CIAPIN1: variants seen among roughly 807,000 people sequenced by gnomAD.
CIAPIN1 encodes anamorsin.
A neutral mutation model predicts 34.3 loss-of-function variants in CIAPIN1; 18 were observed. The observed-to-expected ratio is 0.52, with a 90% CI of 0.36 to 0.78. The LOEUF (loss-of-function observed/expected upper bound fraction) is 0.78. Among genes scored for constraint, CIAPIN1 ranks in the 30% least tolerant of loss-of-function variants. The pLI, the probability that CIAPIN1 is intolerant of heterozygous loss-of-function variation, is 0.00. For synonymous variants in CIAPIN1, 131 were observed against 140.4 expected (o/e 0.93, Z 0.47); for missense variants, 310 against 372.5 (o/e 0.83, Z 1.38).
In CIAPIN1 at chr16:57,429,251, G is replaced by C; in HGVS notation, c.858C>G (p.Ala286=). The change falls in exon 9 of 9, where the codon GCC becomes GCG. Residue 286 remains alanine (A), a synonymous_variant. Coordinates refer to ENST00000394391, the MANE Select transcript of CIAPIN1 (RefSeq NM_020313.4). ...NCYLGDAFRC[A]SCPYLGMPAF... Reference sequence around the variant, plus strand: ...CTGGCATCCCAAGGTAGGGGCAGCTGGCACAGCGGAAGGCATCGCCCAGGT... The same window carrying C: ...CTGGCATCCCAAGGTAGGGGCAGCTCGCACAGCGGAAGGCATCGCCCAGGT... 1 of 1,614,006 alleles carries C rather than the reference G, an allele frequency of 6.2e-7. No individual in the cohort carries two copies. The highest frequency in any genetic ancestry group is 1.3e-5 in the African/African-American group (1 of 75,036).
At chr16:57,444,269 A>G (rs1431343982) in intron 1 of CIAPIN1, among the ~76,000 whole-genome samples, 1 of 152,318 alleles carries the variant, frequency 6.6e-6, no homozygotes. Context: ...TAAAGTAGGG[A>G]TAAAAACCTC....
chr16:57,430,157 T>C, intron 8 of CIAPIN1, 101 bp downstream of exon 8: 2 of 1,003,420 alleles, frequency 2.0e-6, no homozygotes, highest in Non-Finnish European at 1.6e-6. Flanking sequence ...CATTCGTCTG[T>C]TACTAAAATA....
chr16:57,434,627 C>A (rs1283725034), intron 4 of CIAPIN1, among the ~76,000 whole-genome samples: 1 of 151,944 alleles, frequency 6.6e-6, no homozygotes, highest in Non-Finnish European at 1.5e-5. Flanking sequence ...GATAAAGTAG[C>A]AGAGAGTAAA....
chr16:57,431,503 A>T, intron 6 of CIAPIN1: 1 of 379,816 alleles, frequency 2.6e-6, no homozygotes, highest in Non-Finnish European at 4.9e-6. Flanking sequence ...ACAAATTTAC[A>T]TGAGAAAAAG....
Position 57,428,798 on chromosome 16 carries a change from G to C in CIAPIN1, c.*372C>G, listed in dbSNP as rs1903011883. Reference sequence around the variant, plus strand: ...GAGGGTGGCAGCATTGCTGAGATGAGACTCAAGGCAGGGGTCTGCAGCTCT... The same window carrying C: ...GAGGGTGGCAGCATTGCTGAGATGACACTCAAGGCAGGGGTCTGCAGCTCT... On this transcript the variant is annotated 3_prime_UTR_variant, in exon 9 of 9. Transcript: ENST00000394391. 6.1e-6 allele frequency: 1 copy of C among 164,604 alleles called. No individual in the cohort carries two copies. The highest frequency in any genetic ancestry group is 2.4e-5 in the African/African-American group (1 of 41,864). The allele number at this position is 164,604 out of a possible 1,614,324, so 10.2% of individuals were successfully genotyped here.
chr16:57,436,889 T>C (rs529706305), intron 3 of CIAPIN1, among the ~76,000 whole-genome samples, 157 bp from the exon 4 acceptor site: 24 of 152,004 alleles, frequency 1.6e-4, no homozygotes, highest in African/African-American at 5.8e-4. Context: ...GAGGCTGAGG[T>C]GGACAGATCA....
At position 57,447,345 on chromosome 16, in the gene CIAPIN1, C is replaced by A; in HGVS notation, c.-59G>T. On this transcript the variant is annotated 5_prime_UTR_variant, in exon 1 of 9. Transcript: ENST00000394391. Reference sequence around the variant, plus strand: ...AGCTGGCCCCCACCACTCTCACCTGCCGCCTGGGCTCGCTCCCGGCTTCTC... The same window carrying A: ...AGCTGGCCCCCACCACTCTCACCTGACGCCTGGGCTCGCTCCCGGCTTCTC... The A allele has an allele frequency of 1.7e-6, 1 of 598,588 alleles. No individual in the cohort carries two copies. Among genetic ancestry groups the A allele is most frequent in the Non-Finnish European group, 2.4e-6 (1 of 409,260 alleles). 37.1% of individuals were successfully genotyped at this position (598,588 alleles called of 1,614,324 possible).
At chr16:57,429,994 G>A (rs1215652916) in intron 8 of CIAPIN1, among the ~76,000 whole-genome samples, 17 of 152,092 alleles carry the variant, frequency 1.1e-4, no homozygotes, top group Admixed American at 9.8e-4. Flanking sequence ...TTAGCTAACT[G>A]TCTAACCATC....
intron 1 of CIAPIN1, among the ~76,000 whole-genome samples, chr16:57,446,579 C>T (rs1311294341): frequency 1.3e-5 from 2 of 152,196 alleles, no homozygotes; most frequent in Non-Finnish European, 2.9e-5. Flanking sequence ...TCTCTGATGA[C>T]ACCCCCGTGA....
At position 57,429,250 on chromosome 16, in the gene CIAPIN1, T is replaced by C. The variant is rs777875310; in HGVS notation, c.859A>G (p.Ser287Gly). Residue 287 changes from serine to glycine, a missense_variant, in exon 9 of 9, where the codon AGC (serine) becomes GGC (glycine). Transcript: ENST00000394391. ...CYLGDAFRCA[S>G]CPYLGMPAFK... ...GCTGGCATCCCAAGGTAGGGGCAGC[T>C]GGCACAGCGGAAGGCATCGCCCAGG... The C allele has an allele frequency of 1.2e-5, 19 of 1,613,902 alleles. No homozygotes were observed. The African/African-American group carries it at 1.9e-4, about 16-fold the overall frequency.
chr16:57,429,803 T>C (rs1455045065), intron 8 of CIAPIN1, among the ~76,000 whole-genome samples: 3 of 150,980 alleles, frequency 2.0e-5, no homozygotes, highest in Non-Finnish European at 4.4e-5. Flanking sequence ...TTTTTTTTTT[T>C]TGAGATGGAG....
At position 57,428,999 on chromosome 16, in the gene CIAPIN1, C is replaced by CTTTTG. The variant is rs1410765191; in HGVS notation, c.*170_*171insCAAAA. The CTTTTG allele has an allele frequency of 2.0e-5, 12 of 595,108 alleles. No individual in the cohort carries two copies. Among genetic ancestry groups the CTTTTG allele is most frequent in the Non-Finnish European group, 3.3e-5 (11 of 331,178 alleles). 36.9% of individuals were successfully genotyped at this position (595,108 alleles called of 1,614,324 possible). A position where few individuals can be genotyped will look rare whatever the true frequency, so the allele number is the denominator to read the frequency against. On this transcript the variant is annotated 3_prime_UTR_variant, in exon 9 of 9. Coordinates refer to ENST00000394391, the MANE Select transcript of CIAPIN1 (RefSeq NM_020313.4). Reference sequence around the variant, plus strand: ...ACCTTGGTCTTTTGATACACAGCAGCACTACACACCACTGTGCCCCCCAGC... The same window carrying CTTTTG: ...ACCTTGGTCTTTTGATACACAGCAGCTTTTGACTACACACCACTGTGCCCCCCAGC...
At position 57,433,462 on chromosome 16, in the gene CIAPIN1, T is replaced by C. The variant is rs373382833; in HGVS notation, c.556+582A>G. On this transcript the variant is annotated intron_variant, in intron 5 of 8. Transcript: ENST00000394391. ...CAGTAAATATCTGTTAATGTCTGCA[T>C]ACCTCACAGCTGGGTCAATTCAGGC... Among the ~76,000 whole-genome samples the C allele has an allele frequency of 9.5e-4, 145 of 152,350 alleles. 2 individuals are homozygous for C. In the South Asian group the frequency reaches 0.029, roughly 31 times the overall value.
intron 3 of CIAPIN1, 43 bp from the exon 4 acceptor site, chr16:57,436,775 G>A (rs1185220387): frequency 6.5e-7 from 1 of 1,537,576 alleles, no homozygotes; most frequent in South Asian, 1.1e-5. Context: ...ATAGTTCAAA[G>A]TAGGAAAAAT....
chr16:57,431,259 A>G lies in CIAPIN1; in HGVS notation c.638T>C (p.Ile213Thr). Residue 213 changes from isoleucine (I) to threonine (T), a missense_variant, in exon 7 of 9, where the codon ATT (isoleucine) becomes ACT (threonine). Physicochemically the swap from Ile to Thr is moderately conservative, Grantham distance 89. Transcript: ENST00000394391. The part of the protein sequence containing the change: ...NDMEDDSMDL[I>T]DSDELLDPED... ...TGGATCCAGCAGCTCATCTGAGTCAATGAGATCCTGGAGAGTGTTCAAAGC... is the reference window on the plus strand; with the variant it reads ...TGGATCCAGCAGCTCATCTGAGTCAGTGAGATCCTGGAGAGTGTTCAAAGC... 1.2e-6 allele frequency: 2 copies of G among 1,609,992 alleles called. No homozygotes were observed. The highest frequency in any genetic ancestry group is 1.7e-6 in the Non-Finnish European group (2 of 1,176,462).
intron 6 of CIAPIN1, 109 bp from the exon 7 acceptor site, chr16:57,431,375 G>A: frequency 4.8e-6 from 3 of 631,388 alleles, no homozygotes; most frequent in Middle Eastern, 5.2e-4. Flanking sequence ...TAAAGAAGGT[G>A]TCCACCCTGT....
At chr16:57,431,914 C>T (rs577308716) in intron 6 of CIAPIN1, among the ~76,000 whole-genome samples, 5 of 152,316 alleles carry the variant, frequency 3.3e-5, no homozygotes, top group African/African-American at 1.2e-4. Context: ...TTTAAGCTGA[C>T]AAAATCTTTT....
chr16:57,433,973 T>A, intron 5 of CIAPIN1, 71 bp downstream of exon 5: 1 of 1,348,018 alleles, frequency 7.4e-7, no homozygotes, highest in Non-Finnish European at 1.1e-6. Flanking sequence ...ATCTCATTTA[T>A]TGCTGGCTCA....
At chr16:57,443,096 A>G (rs1290163833) in intron 1 of CIAPIN1, among the ~76,000 whole-genome samples, 3 of 148,746 alleles carry the variant, frequency 2.0e-5, no homozygotes, top group African/African-American at 7.6e-5. Flanking sequence ...AAAAAAAAAG[A>G]AAAAAAAATA....
Sources: gnomAD v4.1 joint callset for allele counts (sites outside exome capture counted in the v4.1 genomes callset) on GRCh38, gnomAD v4.1.1 for gene constraint, MANE v1.5 for transcripts, NCBI Gene and HGNC (gene_info 2026-07-23, HGNC 2026-07-21) for gene names.